The following MMEL1 variants were observed in gnomAD, a reference collection of about 807,000 sequenced individuals.
MMEL1 encodes membrane metallo-endopeptidase-like 1.
A neutral mutation model predicts 117.1 loss-of-function variants in MMEL1; 98 were observed. The ratio of observed to expected loss-of-function variants is 0.84; its 90% CI spans 0.71 to 0.99. The LOEUF is 0.99. Ranked by LOEUF, MMEL1 falls within the 50% of genes least tolerant of loss-of-function variation. The pLI is 0.00. For synonymous variants in MMEL1, 390 were observed against 415.1 expected (o/e 0.94, Z 0.74); for missense variants, 1,014 against 1,049.1 (o/e 0.97, Z 0.46).
chr1:2,603,033 G>A lies in MMEL1; in HGVS notation c.1041+851C>T, dbSNP rs77093873. 4.2e-4 allele frequency among the ~76,000 whole-genome samples: 64 copies of A among 152,350 alleles called. No individual in the cohort carries two copies. The East Asian group carries it at 0.011, about 26-fold the overall frequency. On this transcript the variant is annotated intron_variant, in intron 11 of 23. Transcript: ENST00000378412. ...CCCCACTGCGTGTGTTCTGGGCAGC[G>A]GGGTGTTGGGGAAGGTGTGTCCCCG...
rs1228845086 is a variant in MMEL1 at position 2,596,702 on chromosome 1, C to T, written c.1273-13G>A. ...TGCCAAACAGCGCCTGGTGGGGCCA[C>T]CCGATCATCCCACGGGCCCCCACGT... is the stretch of plus-strand genomic sequence containing the variant. On this transcript the variant is annotated splice_polypyrimidine_tract_variant and intron_variant, in intron 13 of 23. Transcript: ENST00000378412. 15 of 1,610,330 alleles carry T rather than the reference C, an allele frequency of 9.3e-6. No homozygotes were observed. Among genetic ancestry groups the T allele is most frequent in the Middle Eastern group, 1.6e-4 (1 of 6,078 alleles).
intron 2 of MMEL1, among the ~76,000 whole-genome samples, chr1:2,627,103 A>G (rs1638312846): frequency 1.3e-5 from 2 of 152,274 alleles, no homozygotes; most frequent in South Asian, 4.1e-4. Context: ...AACAGGATTT[A>G]AGGCAAAAAG....
intron 9 of MMEL1, among the ~76,000 whole-genome samples, chr1:2,605,126 T>G (rs975495746): frequency 2.0e-5 from 3 of 152,174 alleles, no homozygotes; most frequent in African/African-American, 7.2e-5. Context: ...GCCCTGGGCC[T>G]GCCAGCCTCA....
rs745908222 is a variant in MMEL1, at chr1:2,595,299, G to T, written c.1561C>A (p.Arg521Ser). ...ACATTGGAGTACTCCTCGTCCAGGC[G>T]CCTGTTCATCTCCTCCAGGATGTAG... is the stretch of plus-strand genomic sequence containing the variant. ...PDYILEEMNRRLDEEYSNLNF... is the reference protein window; with the variant it reads ...PDYILEEMNRSLDEEYSNLNF... The change falls in exon 16 of 24, where the codon CGC (arginine) becomes AGC (serine). Residue 521 changes from arginine (R) to serine (S), a missense_variant. Transcript: ENST00000378412. The surrounding 1 kb of genome is among the most constrained non-coding windows in gnomAD (Gnocchi z 4.8). The T allele has an allele frequency of 6.2e-7, 1 of 1,613,660 alleles. No homozygotes were observed. The highest frequency in any genetic ancestry group is 1.1e-5 in the South Asian group (1 of 91,092).
chr1:2,625,264 C>A (rs889943596), intron 2 of MMEL1, among the ~76,000 whole-genome samples: 3 of 152,204 alleles, frequency 2.0e-5, no homozygotes, highest in Non-Finnish European at 4.4e-5. Flanking sequence ...TCATCTGAGA[C>A]AAGGTGTCTC....
Position 2,623,881 on chromosome 1 carries a change from C to A in MMEL1, c.154+5450G>T, listed in dbSNP as rs570424336. On this transcript the variant is annotated intron_variant, in intron 2 of 23. Transcript: ENST00000378412. ...ACCCCTCTCACGCCCAGGAACCAGGCAAATCCCCTGTTCTGTAGGAGGGTC... is the reference window on the plus strand; with the variant it reads ...ACCCCTCTCACGCCCAGGAACCAGGAAAATCCCCTGTTCTGTAGGAGGGTC... Among the ~76,000 whole-genome samples the A allele has an allele frequency of 5.9e-5, 9 of 152,300 alleles. No individual in the cohort carries two copies. In the South Asian group the frequency reaches 1.9e-3, roughly 32 times the overall value.
intron 2 of MMEL1, among the ~76,000 whole-genome samples, chr1:2,626,177 G>C (rs193275237): frequency 6.6e-6 from 1 of 152,344 alleles, no homozygotes; most frequent in Admixed American, 6.5e-5. Flanking sequence ...TGTAGCCAAT[G>C]GTTTGGCTGG....
Position 2,591,027 on chromosome 1 carries a change from G to T in MMEL1, c.2303C>A (p.Thr768Asn), listed in dbSNP as rs754496396. The T allele has an allele frequency of 2.9e-5, 47 of 1,604,896 alleles. No individual in the cohort carries two copies. Among genetic ancestry groups the T allele is most frequent in the African/African-American group, 5.4e-5 (4 of 74,694 alleles). The change falls in exon 24 of 24, where the codon ACC becomes AAC. Residue 768 changes from threonine to asparagine, a missense_variant. By Grantham distance (65) the Thr-to-Asn change is moderately conservative (BLOSUM62 0). Transcript: ENST00000378412. ...GCATCGCTCCTTGGGGTGCATGGGGGTGCCCCGGGCACAGTGGAACGTGTC... is the reference window on the plus strand; with the variant it reads ...GCATCGCTCCTTGGGGTGCATGGGGTTGCCCCGGGCACAGTGGAACGTGTC... ...FADTFHCARG[T>N]PMHPKERCRV...
chr1:2,622,883 CAAAAAAA>C (rs60522932), intron 2 of MMEL1, among the ~76,000 whole-genome samples: 2 of 104,084 alleles, frequency 1.9e-5, no homozygotes, highest in Non-Finnish European at 4.3e-5. Flanking sequence ...AACTCTGTCT[CAAAAAAA>C]AAAAAAAAAA....
At chr1:2,622,008 T>A (rs754174449) in intron 2 of MMEL1, among the ~76,000 whole-genome samples, 7 of 152,152 alleles carry the variant, frequency 4.6e-5, no homozygotes, top group Non-Finnish European at 1.5e-5. Context: ...TCCGAATAAA[T>A]CTCTGCAAAT....
rs1264036788 is a variant in MMEL1, at chr1:2,605,557, C to T, written c.816+1G>A. 3.1e-6 allele frequency: 5 copies of T among 1,612,022 alleles called. No homozygotes were observed. The East Asian group carries it at 6.7e-5, about 22-fold the overall frequency. On this transcript the variant is annotated splice_donor_variant, in intron 9 of 23. Coordinates refer to ENST00000378412, the MANE Select transcript of MMEL1 (RefSeq NM_033467.4). LOFTEE classifies it high-confidence loss of function. ...TGGCATTGCGGTGAGGACCCACCCA[C>T]CTTCCGGTTGCTGCCGCCGTTGAAG...
At chr1:2,619,722 T>C (rs542696494) in intron 2 of MMEL1, among the ~76,000 whole-genome samples, 1 of 146,910 alleles carries the variant, frequency 6.8e-6, no homozygotes, top group Admixed American at 6.7e-5. Context: ...TGAAAAAGGA[T>C]CCATTGTAAA....
Position 2,598,677 on chromosome 1 carries a change from G to A in MMEL1, c.1155C>T (p.Asn385=), listed in dbSNP as rs1168786505. Residue 385 remains asparagine, a synonymous_variant, in exon 12 of 24, where the codon AAC becomes AAT. Coordinates refer to ENST00000378412, the MANE Select transcript of MMEL1 (RefSeq NM_033467.4). The part of the protein sequence containing the change: ...YGIPYLQNLE[N]IIDTYSARTI... The stretch of plus-strand genomic sequence containing the variant: ...ACCTGGCTGAGTAGGTGTCGATGAT[G>A]TTTTCAAGGTTCTGCAGGTAGGGGA... The A allele has an allele frequency of 1.2e-6, 2 of 1,614,146 alleles. No homozygotes were observed. The highest frequency in any genetic ancestry group is 1.7e-6 in the Non-Finnish European group (2 of 1,180,018).
intron 2 of MMEL1, among the ~76,000 whole-genome samples, chr1:2,623,587 T>A (rs1233322192): frequency 1.3e-5 from 2 of 152,194 alleles, no homozygotes; most frequent in Non-Finnish European, 2.9e-5. Flanking sequence ...CAGCTAAAAT[T>A]TTTCACACAT....
rs1314692361 is a variant in MMEL1 at position 2,593,916 on chromosome 1, G to A, written c.1765C>T (p.Leu589Phe). 2.5e-6 allele frequency: 4 copies of A among 1,609,824 alleles called. No homozygotes were observed. The highest frequency in any genetic ancestry group is 2.5e-6 in the Non-Finnish European group (3 of 1,178,010). Residue 589 changes from leucine to phenylalanine, a missense_variant, in exon 19 of 24, where the codon CTC becomes TTC. Leu to Phe is a conservative substitution (Grantham distance 22, BLOSUM62 0). Transcript: ENST00000378412. ...TCCTTGCTGAAGAAGGGGGGCTGGAGGATCCCGGCAGGGAATACTGTCCCC... is the reference window on the plus strand; with the variant it reads ...TCCTTGCTGAAGAAGGGGGGCTGGAAGATCCCGGCAGGGAATACTGTCCCC... ...RNQIVFPAGILQPPFFSKEQP... is the reference protein window; with the variant it reads ...RNQIVFPAGIFQPPFFSKEQP...
At chr1:2,597,080 G>A (rs1410902798) in intron 13 of MMEL1, among the ~76,000 whole-genome samples, 2 of 152,058 alleles carry the variant, frequency 1.3e-5, no homozygotes, top group Middle Eastern at 3.2e-3. Flanking sequence ...CCAGCTCCCA[G>A]GGCCCTGGTC....
intron 2 of MMEL1, among the ~76,000 whole-genome samples, chr1:2,622,017 A>T (rs969012586): frequency 1.2e-4 from 18 of 152,092 alleles, no homozygotes; most frequent in African/African-American, 4.1e-4. Context: ...ATCTCTGCAA[A>T]TGTTTTACAG....
chr1:2,604,595 G>C (rs1184921927), intron 9 of MMEL1, among the ~76,000 whole-genome samples: 1 of 152,070 alleles, frequency 6.6e-6, no homozygotes, highest in Non-Finnish European at 1.5e-5. Context: ...TGGGCTTGGG[G>C]TGCCAGGGCT....
At chr1:2,597,556 C>T (rs1644862493) in intron 13 of MMEL1, among the ~76,000 whole-genome samples, 2 of 152,154 alleles carry the variant, frequency 1.3e-5, no homozygotes, top group Non-Finnish European at 2.9e-5. Flanking sequence ...GTCACCTCAC[C>T]TGGGTGACCA....
Sources: allele counts gnomAD v4.1 joint callset (sites outside exome capture counted in the v4.1 genomes callset), GRCh38; gene constraint gnomAD v4.1.1; non-coding constraint Gnocchi (gnomAD v3.1); transcripts MANE v1.5; gene names NCBI Gene and HGNC (gene_info 2026-07-23, HGNC 2026-07-21).